KIAA0232: variants seen among roughly 807,000 people sequenced by gnomAD.
KIAA0232 encodes the protein uncharacterized protein KIAA0232.
In KIAA0232, 27 loss-of-function variants were observed where a neutral mutation model predicts 122.0. The observed-to-expected ratio is 0.22, with a 90% confidence interval of 0.16 to 0.31. The LOEUF is 0.31. Among genes scored for constraint, KIAA0232 ranks in the 10% least tolerant of loss-of-function variants. The pLI is 1.00. For missense variants in KIAA0232, 1,551 were observed against 1,634.2 expected (o/e 0.95, Z 0.88); for synonymous variants, 613 against 587.6 (o/e 1.04, Z -0.63).
chr4:6,864,460 C>T (rs756936912), intron 7 of KIAA0232, among the ~76,000 whole-genome samples: 6 of 151,968 alleles, frequency 3.9e-5, no homozygotes, highest in Admixed American at 6.6e-5. Flanking sequence ...TGTTATTGGC[C>T]GGGTGCAGTG....
rs118172814 is a variant in KIAA0232 at position 6,855,962 on chromosome 4, A to G, written c.370-1202A>G. ...ACAGTGTTTATGACTAATATCTGCC[A>G]TCGTTTTTAAGAGTGTTTTTAAAGG... On this transcript the variant is annotated intron_variant, in intron 4 of 9. Coordinates refer to ENST00000307659, the MANE Select transcript of KIAA0232 (RefSeq NM_014743.3). The surrounding 1 kb of genome is among the most constrained non-coding windows in gnomAD (Gnocchi z 4.3). 358 of 592,176 alleles carry G rather than the reference A, an allele frequency of 6.0e-4. 5 individuals carry two copies. In the East Asian group the frequency reaches 0.036, roughly 59 times the overall value. The allele number at this position is 592,176 out of a possible 1,614,324, so 36.7% of individuals were successfully genotyped here. A position where few individuals can be genotyped will look rare whatever the true frequency, so the allele number is the denominator to read the frequency against.
At chr4:6,792,281 AGAGT>A (rs1716930799) in intron 1 of KIAA0232, among the ~76,000 whole-genome samples, 1 of 152,162 alleles carries the variant, frequency 6.6e-6, no homozygotes, top group African/African-American at 2.4e-5. Context: ...GTTGATATGA[AGAGT>A]TTCCAGGTTT....
In KIAA0232 at chr4:6,783,836, G is replaced by A. The variant is rs1002695666; in HGVS notation, c.-354+995G>A. 7.2e-5 allele frequency among the ~76,000 whole-genome samples: 11 copies of A among 152,184 alleles called. No homozygotes were observed. In the East Asian group the frequency reaches 9.6e-4, roughly 13 times the overall value. On this transcript the variant is annotated intron_variant, in intron 1 of 9. Coordinates refer to ENST00000307659, the MANE Select transcript of KIAA0232 (RefSeq NM_014743.3). ...CGAGGGCGCCCCGAGTTGCTGCGGG[G>A]CCTGATCCGGCTCCTTTCCAACAAT...
rs1161372528 is a variant in KIAA0232, at chr4:6,862,579, G to A, written c.2197G>A (p.Glu733Lys). 3 of 1,613,680 alleles carry A rather than the reference G, an allele frequency of 1.9e-6. No homozygotes were observed. The highest frequency in any genetic ancestry group is 1.7e-6 in the Non-Finnish European group (2 of 1,179,924). ...DNETLNIQFE[E>K]STQFNAEDIN... Reference sequence around the variant, plus strand: ...TGAAACATTAAATATTCAGTTTGAAGAATCCACACAGTTTAATGCCGAAGA... The same window carrying A: ...TGAAACATTAAATATTCAGTTTGAAAAATCCACACAGTTTAATGCCGAAGA... Residue 733 changes from glutamate to lysine, a missense_variant, in exon 7 of 10, where the codon GAA becomes AAA. Glu to Lys is a moderately conservative substitution (Grantham distance 56). Coordinates refer to ENST00000307659, the MANE Select transcript of KIAA0232 (RefSeq NM_014743.3).
intron 3 of KIAA0232, among the ~76,000 whole-genome samples, chr4:6,832,409 C>T (rs569705110): frequency 6.2e-5 from 9 of 144,996 alleles, no homozygotes; most frequent in East Asian, 2.1e-4. Flanking sequence ...AGTGTAGTGG[C>T]GTGATCTCGG....
chr4:6,823,046 G>C (rs981377800), intron 2 of KIAA0232, among the ~76,000 whole-genome samples: 2 of 150,600 alleles, frequency 1.3e-5, no homozygotes, highest in Non-Finnish European at 3.0e-5. Context: ...TTTTGTTCTT[G>C]CGATAGTTTA....
intron 3 of KIAA0232, among the ~76,000 whole-genome samples, chr4:6,839,148 A>G (rs932993484): frequency 1.3e-5 from 2 of 152,182 alleles, no homozygotes; most frequent in Non-Finnish European, 2.9e-5. Flanking sequence ...AATAAAGCTA[A>G]GGATTCTTCC....
intron 5 of KIAA0232, 107 bp from the exon 6 acceptor site, chr4:6,858,318 A>C: frequency 1.5e-6 from 1 of 645,802 alleles, no homozygotes; most frequent in South Asian, 2.2e-5. Context: ...CCTTTTAAGC[A>C]CCAAAGTCTC....
rs573046751 is a variant in KIAA0232, at chr4:6,871,045, C to T, written c.3802-529C>T. 8.5e-5 allele frequency among the ~76,000 whole-genome samples: 13 copies of T among 152,262 alleles called. No individual in the cohort carries two copies. In the South Asian group the frequency reaches 1.2e-3, roughly 15 times the overall value. On this transcript the variant is annotated intron_variant, in intron 7 of 9. Transcript: ENST00000307659. ...GTTTTTTTAGTTAAGATTTTCATGT[C>T]GCTTCCCATCTAAGTACTTCTTAAG...
chr4:6,842,806 C>G (rs1719734862), intron 4 of KIAA0232, among the ~76,000 whole-genome samples: 1 of 152,032 alleles, frequency 6.6e-6, no homozygotes, highest in African/African-American at 2.4e-5. Flanking sequence ...CCAGGCTGGT[C>G]TTGAACTCCT....
chr4:6,796,675 G>A (rs1717148186), intron 1 of KIAA0232, among the ~76,000 whole-genome samples: 1 of 152,226 alleles, frequency 6.6e-6, no homozygotes, highest in Non-Finnish European at 1.5e-5. Flanking sequence ...AGTGCAAGAA[G>A]GTGACTCTTA....
At chr4:6,789,892 G>C (rs1716811624) in intron 1 of KIAA0232, among the ~76,000 whole-genome samples, 1 of 151,908 alleles carries the variant, frequency 6.6e-6, no homozygotes, top group Non-Finnish European at 1.5e-5. Context: ...AGCCAGGTGT[G>C]GTGGCACATG....
chr4:6,803,316 A>G (rs190262127), intron 1 of KIAA0232, among the ~76,000 whole-genome samples: 1 of 152,090 alleles, frequency 6.6e-6, no homozygotes, highest in Non-Finnish European at 1.5e-5. Flanking sequence ...TTGAGAAGAC[A>G]AGGTAAGAGA....
At chr4:6,805,462 G>C (rs1424789049) in intron 2 of KIAA0232, among the ~76,000 whole-genome samples, 1 of 152,074 alleles carries the variant, frequency 6.6e-6, no homozygotes, top group African/African-American at 2.4e-5. Context: ...ACCTAAGTCC[G>C]TTTTGGAGAA....
At chr4:6,829,443 A>G (rs1046166530) in intron 3 of KIAA0232, among the ~76,000 whole-genome samples, 1 of 152,244 alleles carries the variant, frequency 6.6e-6, no homozygotes, top group African/African-American at 2.4e-5. Context: ...TTCCTAACTC[A>G]GTGATCCCCT....
chr4:6,846,477 G>A (rs1422984463), intron 4 of KIAA0232, among the ~76,000 whole-genome samples: 3 of 152,024 alleles, frequency 2.0e-5, no homozygotes, highest in African/African-American at 7.3e-5. Flanking sequence ...CTGAGCATGC[G>A]AGGGATCTAG....
Position 6,849,576 on chromosome 4 carries a change from A to G in KIAA0232, c.369+7372A>G, listed in dbSNP as rs184548981. On this transcript the variant is annotated intron_variant, in intron 4 of 9. Coordinates refer to ENST00000307659, the MANE Select transcript of KIAA0232 (RefSeq NM_014743.3). ...GGTTCCCGTGAGCTGAGATCGTGCC[A>G]CTGCACTGCAGCCTGGGCAACAGAG... 2.1e-3 allele frequency among the ~76,000 whole-genome samples: 313 copies of G among 152,314 alleles called. 1 individual carries two copies. The highest frequency in any genetic ancestry group is 2.3e-3 in the East Asian group (12 of 5,186).
At chr4:6,850,695 G>T (rs1577397781) in intron 4 of KIAA0232, among the ~76,000 whole-genome samples, 2 of 149,038 alleles carry the variant, frequency 1.3e-5, no homozygotes, top group Admixed American at 6.7e-5. Flanking sequence ...TTTAGACGGA[G>T]TCTCGCTCTG....
At position 6,865,011 on chromosome 4, in the gene KIAA0232, C is replaced by A. The variant is rs16839404; in HGVS notation, c.3801+828C>A. Among the ~76,000 whole-genome samples the A allele has an allele frequency of 9.0e-3, 1,363 of 152,252 alleles. 21 individuals are homozygous for A. Among genetic ancestry groups the A allele is most frequent in the African/African-American group, 0.028 (1,174 of 41,514 alleles). ...TGCAACAAAATTTCTTCTACAGAAC[C>A]TATACAGATGTATCTTGCTTTATAC... is the stretch of plus-strand genomic sequence containing the variant. On this transcript the variant is annotated intron_variant, in intron 7 of 9. Transcript: ENST00000307659.
Sources: allele counts gnomAD v4.1 joint callset (sites outside exome capture counted in the v4.1 genomes callset), GRCh38; gene constraint gnomAD v4.1.1; non-coding constraint Gnocchi (gnomAD v3.1); transcripts MANE v1.5; gene names NCBI Gene and HGNC (gene_info 2026-07-23, HGNC 2026-07-21).